Variants in SPRR5 observed in about 807,000 individuals in gnomAD.
SPRR5 encodes the protein small proline-rich protein 5.
At chr1:152,947,787 T>G (rs1017603520) in intron 1 of SPRR5, among the ~76,000 whole-genome samples, 5 of 152,324 alleles carry the variant, frequency 3.3e-5, no homozygotes, top group Admixed American at 3.3e-4. Flanking sequence ...ATTCCTTCCC[T>G]CTGAGGTTTG....
At chr1:152,947,598 C>T (rs1205384169) in intron 1 of SPRR5, among the ~76,000 whole-genome samples, 11 of 152,106 alleles carry the variant, frequency 7.2e-5, no homozygotes, top group Non-Finnish European at 5.9e-5. Flanking sequence ...AAGGACTGTC[C>T]TTTCAAAGAA....
intron 1 of SPRR5, 144 bp from the exon 2 acceptor site, chr1:152,948,393 C>CAG (rs1441203539): frequency 5.1e-6 from 1 of 197,362 alleles, no homozygotes; most frequent in Non-Finnish European, 1.1e-5. Flanking sequence ...CGCGCACACA[C>CAG]ACACACACAC....
chr1:152,947,404 G>A (rs552672738), intron 1 of SPRR5, among the ~76,000 whole-genome samples, 156 bp downstream of exon 1: 1 of 152,236 alleles, frequency 6.6e-6, no homozygotes, highest in African/African-American at 2.4e-5. Context: ...ACCTATCTTG[G>A]GTCCAGCAAG....
At chr1:152,948,965 G>T in exon 2 of SPRR5, 1 of 167,876 alleles carries the variant, frequency 6.0e-6, no homozygotes. Context: ...CACTCCACAG[G>T]CCAAGCAAAG....
chr1:152,947,999 T>C (rs905987242), intron 1 of SPRR5, among the ~76,000 whole-genome samples: 1 of 152,242 alleles, frequency 6.6e-6, no homozygotes, highest in Non-Finnish European at 1.5e-5. Flanking sequence ...CATACATACC[T>C]ACGTATGCAT....
At chr1:152,947,530 C>T (rs1651090291) in intron 1 of SPRR5, among the ~76,000 whole-genome samples, 1 of 152,046 alleles carries the variant, frequency 6.6e-6, no homozygotes, top group Non-Finnish European at 1.5e-5. Flanking sequence ...TGCATCTTGT[C>T]AGGTGCTAAG....
intron 1 of SPRR5, among the ~76,000 whole-genome samples, chr1:152,947,734 G>A (rs775757495): frequency 1.3e-4 from 20 of 152,146 alleles, no homozygotes; most frequent in Admixed American, 2.0e-4. Context: ...TGGGAATCAG[G>A]AGACCTCTTT....
At chr1:152,948,384 G>GCTCACA (rs1352245363) in intron 1 of SPRR5, among the ~76,000 whole-genome samples, 153 bp from the exon 2 acceptor site, 2 of 139,302 alleles carry the variant, frequency 1.4e-5, no homozygotes, top group African/African-American at 6.7e-5. Context: ...ACATGCGCGC[G>GCTCACA]CGCACACACA....
chr1:152,948,123 C>A (rs539239056), intron 1 of SPRR5, among the ~76,000 whole-genome samples: 1 of 152,214 alleles, frequency 6.6e-6, no homozygotes, highest in African/African-American at 2.4e-5. Flanking sequence ...AATGATTTAG[C>A]CAGAACTCAG....
chr1:152,947,808 C>G (rs532702820), intron 1 of SPRR5, among the ~76,000 whole-genome samples: 2 of 152,166 alleles, frequency 1.3e-5, no homozygotes, highest in Admixed American at 6.5e-5. Flanking sequence ...CTTTCCTCAA[C>G]TGTAATTGAG....
chr1:152,948,383 C>T (rs546417588), intron 1 of SPRR5, among the ~76,000 whole-genome samples, 154 bp from the exon 2 acceptor site: 7 of 138,736 alleles, frequency 5.0e-5, no homozygotes, highest in East Asian at 3.9e-4. Flanking sequence ...CACATGCGCG[C>T]GCGCACACAC....
At chr1:152,947,862 C>T (rs1300714044) in intron 1 of SPRR5, among the ~76,000 whole-genome samples, 3 of 152,162 alleles carry the variant, frequency 2.0e-5, no homozygotes, top group Non-Finnish European at 2.9e-5. Flanking sequence ...CTAGAGTTTT[C>T]TCTTTATAAA....
At chr1:152,947,407 C>T (rs945169261) in intron 1 of SPRR5, among the ~76,000 whole-genome samples, 159 bp downstream of exon 1, 11 of 152,072 alleles carry the variant, frequency 7.2e-5, no homozygotes, top group Admixed American at 5.2e-4. Context: ...TATCTTGGGT[C>T]CAGCAAGTTA....
intron 1 of SPRR5, among the ~76,000 whole-genome samples, chr1:152,948,234 CTTTT>C (rs143749960): frequency 6.6e-6 from 1 of 151,888 alleles, no homozygotes; most frequent in South Asian, 2.1e-4. Flanking sequence ...TCTCCCTTTT[CTTTT>C]TTTATGTTTT....
At chr1:152,947,907 ATTGT>A (rs1651098203) in intron 1 of SPRR5, among the ~76,000 whole-genome samples, 1 of 152,148 alleles carries the variant, frequency 6.6e-6, no homozygotes, top group African/African-American at 2.4e-5. Flanking sequence ...CGCCTTTTAA[ATTGT>A]TTATGAATTT....
Position 152,947,696 on chromosome 1 carries a change from C to T in SPRR5, c.-19+448C>T, listed in dbSNP as rs76836660. ...GGAGCAAAGGGCTGCAGGGACAAGA[C>T]GATGTGGCACCATGGAAGGCTCTGC... On this transcript the variant is annotated intron_variant, in intron 1 of 1. Transcript: ENST00000636302. Among the ~76,000 whole-genome samples the T allele has an allele frequency of 1.1e-3, 170 of 152,232 alleles. 1 individual carries two copies. In the East Asian group the frequency reaches 0.031, roughly 28 times the overall value.
At chr1:152,948,836 C>A in exon 2 of SPRR5, 1 of 253,986 alleles carries the variant, frequency 3.9e-6, no homozygotes, top group South Asian at 1.8e-4. Flanking sequence ...CCTGTGCCCC[C>A]AAGTGCCCAC....
At chr1:152,948,186 C>T (rs905936507) in intron 1 of SPRR5, among the ~76,000 whole-genome samples, 13 of 152,120 alleles carry the variant, frequency 8.5e-5, no homozygotes, top group Admixed American at 2.6e-4. Flanking sequence ...TAGGATACAA[C>T]AGTCTGCTCT....
chr1:152,947,785 C>T (rs1049571633), intron 1 of SPRR5, among the ~76,000 whole-genome samples: 3 of 152,168 alleles, frequency 2.0e-5, no homozygotes, highest in Non-Finnish European at 4.4e-5. Flanking sequence ...CCATTCCTTC[C>T]CTCTGAGGTT....
Sources: gnomAD v4.1 joint callset for allele counts (sites outside exome capture counted in the v4.1 genomes callset) on GRCh38, gnomAD v4.1.1 for gene constraint, MANE v1.5 for transcripts, NCBI Gene and HGNC (gene_info 2026-07-23, HGNC 2026-07-21) for gene names.